Variants in PDGFC observed in about 807,000 individuals in gnomAD.
The protein encoded by PDGFC is platelet derived growth factor C, also known as platelet-derived growth factor C.
A neutral mutation model predicts 35.5 loss-of-function variants in PDGFC; 12 were observed. That is an observed-to-expected ratio of 0.34 (90% CI 0.22 to 0.55). The LOEUF (loss-of-function observed/expected upper bound fraction) is 0.55, where lower values mean the gene tolerates loss of function less well. Ranked by LOEUF, PDGFC falls within the 20% of genes least tolerant of loss-of-function variation. The probability of loss-of-function intolerance (pLI) is 0.91; values close to 1 mark genes in which losing one functional copy is unlikely to be tolerated. For synonymous variants in PDGFC, 159 were observed against 148.8 expected (o/e 1.07, Z -0.50); for missense variants, 322 against 412.4 (o/e 0.78, Z 1.90).
At chr4:156,782,304 A>C (rs1191656958) in intron 3 of PDGFC, among the ~76,000 whole-genome samples, 1 of 152,160 alleles carries the variant, frequency 6.6e-6, no homozygotes, top group Non-Finnish European at 1.5e-5. Flanking sequence ...TTTGCCTATA[A>C]AATCTTTATA....
intron 2 of PDGFC, among the ~76,000 whole-genome samples, chr4:156,826,325 T>C (rs1349869398): frequency 7.4e-6 from 1 of 135,254 alleles, no homozygotes; most frequent in Admixed American, 6.9e-5. Flanking sequence ...CCTGAGTAGC[T>C]GTGAGTAGCT....
chr4:156,856,631 T>C (rs947215737), intron 1 of PDGFC, among the ~76,000 whole-genome samples: 5 of 152,142 alleles, frequency 3.3e-5, no homozygotes, highest in Admixed American at 2.6e-4. Context: ...CATAACCTGT[T>C]CCTGGCACAT....
intron 1 of PDGFC, among the ~76,000 whole-genome samples, chr4:156,913,595 T>C (rs1231283477): frequency 6.6e-6 from 1 of 152,216 alleles, no homozygotes; most frequent in Non-Finnish European, 1.5e-5. Context: ...TCTTGAGGCT[T>C]CGCGCCAAAT....
At chr4:156,860,701 T>C (rs141278928) in intron 1 of PDGFC, among the ~76,000 whole-genome samples, 6 of 152,006 alleles carry the variant, frequency 3.9e-5, no homozygotes, top group African/African-American at 1.2e-4. Context: ...AAGAAAGATA[T>C]GCATAATGCA....
At chr4:156,812,113 A>G (rs1371412168) in intron 2 of PDGFC, among the ~76,000 whole-genome samples, 1 of 151,984 alleles carries the variant, frequency 6.6e-6, no homozygotes, top group East Asian at 1.9e-4. Context: ...AATTGAGGGA[A>G]TTTTCTGTGT....
Position 156,908,408 on chromosome 4 carries a change from T to A in PDGFC, c.119-57992A>T, listed in dbSNP as rs533354717. ...ATTTGTGTAAATAAATAAATAAATA[T>A]TTATTTCAATCTAGAAATGCCAAAT... is the stretch of plus-strand genomic sequence containing the variant. On this transcript the variant is annotated intron_variant, in intron 1 of 5. Transcript: ENST00000502773. Among the ~76,000 whole-genome samples the A allele has an allele frequency of 9.2e-5, 14 of 152,266 alleles. No homozygotes were observed. In the South Asian group the frequency reaches 2.5e-3, roughly 27 times the overall value.
chr4:156,897,024 C>T (rs568401169), intron 1 of PDGFC, among the ~76,000 whole-genome samples: 128 of 152,104 alleles, frequency 8.4e-4, no homozygotes, highest in African/African-American at 2.7e-3. Context: ...TAATTTAATA[C>T]GCACATTAAA....
rs190946983 is a variant in PDGFC at position 156,917,954 on chromosome 4, C to T, written c.118+52832G>A. Reference sequence around the variant, plus strand: ...TCAAATTAATTAATGAGGAAAAATGCTTTTTTGAATTTTAGATGCATACTT... The same window carrying T: ...TCAAATTAATTAATGAGGAAAAATGTTTTTTTGAATTTTAGATGCATACTT... On this transcript the variant is annotated intron_variant, in intron 1 of 5. Transcript: ENST00000502773. 2.3e-4 allele frequency among the ~76,000 whole-genome samples: 35 copies of T among 152,192 alleles called. 1 individual carries two copies. The East Asian group carries it at 6.4e-3, about 28-fold the overall frequency.
chr4:156,893,973 T>C (rs889723881), intron 1 of PDGFC, among the ~76,000 whole-genome samples: 5 of 152,196 alleles, frequency 3.3e-5, no homozygotes, highest in African/African-American at 7.2e-5. Context: ...GACTGTGTGT[T>C]TCCTGTAGTT....
chr4:156,831,096 T>A (rs1728921741), intron 2 of PDGFC, among the ~76,000 whole-genome samples: 1 of 152,218 alleles, frequency 6.6e-6, no homozygotes, highest in Admixed American at 6.5e-5. Flanking sequence ...GAGGACTATA[T>A]GACTGTTGAG....
At chr4:156,847,019 ATAT>A (rs970883110) in intron 2 of PDGFC, among the ~76,000 whole-genome samples, 1 of 151,706 alleles carries the variant, frequency 6.6e-6, no homozygotes, top group African/African-American at 2.4e-5. Context: ...AATAAAATAA[ATAT>A]TATTAATTTT....
At chr4:156,964,497 C>T (rs1732419513) in intron 1 of PDGFC, among the ~76,000 whole-genome samples, 1 of 149,328 alleles carries the variant, frequency 6.7e-6, no homozygotes, top group Non-Finnish European at 1.5e-5. Flanking sequence ...TATATATATA[C>T]CATTCCATTT....
intron 2 of PDGFC, among the ~76,000 whole-genome samples, chr4:156,820,455 G>C (rs1019626015): frequency 1.3e-5 from 2 of 152,126 alleles, no homozygotes; most frequent in Non-Finnish European, 2.9e-5. Context: ...GGCAGGATGT[G>C]AGCAAAAAGA....
At chr4:156,912,243 AC>A (rs1333008312) in intron 1 of PDGFC, among the ~76,000 whole-genome samples, 1 of 152,288 alleles carries the variant, frequency 6.6e-6, no homozygotes, top group East Asian at 1.9e-4. Context: ...GCAGCTAGAC[AC>A]CTCATATATT....
In PDGFC at chr4:156,763,132, A is replaced by G. The variant is rs1730423162; in HGVS notation, c.996T>C (p.His332=). Residue 332 remains histidine, a synonymous_variant, in exon 6 of 6, where the codon CAT becomes CAC. Transcript: ENST00000502773. The part of the protein sequence containing the change: ...KSLTDVALEH[H]EECDCVCRGS... ...CTCTGCACACACAGTCACACTCCTC[A>G]TGGTGCTCCAGGGCCACGTCGGTGA... The G allele has an allele frequency of 6.2e-7, 1 of 1,612,110 alleles. No homozygotes were observed. Among genetic ancestry groups the G allele is most frequent in the South Asian group, 1.1e-5 (1 of 91,036 alleles).
In PDGFC at chr4:156,850,275, T is replaced by C. The variant is rs1392045879; in HGVS notation, c.260A>G (p.Gln87Arg). Residue 87 changes from glutamine (Q) to arginine (R), a missense_variant, in exon 2 of 6, where the codon CAA (glutamine) becomes CGA (arginine). Around this residue, in one of 2 missense-constraint regions of PDGFC, gnomAD observed 120 missense variants for 116.6 expected, o/e 1.03. Coordinates refer to ENST00000502773, the MANE Select transcript of PDGFC (RefSeq NM_016205.3). Reference protein sequence around the residue: ...LVAVEENVWIQLTFDERFGLE... With the variant: ...LVAVEENVWIRLTFDERFGLE... The stretch of plus-strand genomic sequence containing the variant: ...CCCAAATCTTTCATCAAACGTAAGT[T>C]GTATCCATACATTTTCCTCTACTGC... 1.2e-6 allele frequency: 2 copies of C among 1,609,442 alleles called. No homozygotes were observed. The highest frequency in any genetic ancestry group is 1.7e-6 in the Non-Finnish European group (2 of 1,177,428).
intron 1 of PDGFC, among the ~76,000 whole-genome samples, chr4:156,863,441 A>C (rs1332693758): frequency 6.6e-6 from 1 of 152,184 alleles, no homozygotes; most frequent in Non-Finnish European, 1.5e-5. Context: ...CACTGAGTGT[A>C]ACTTTTTCTT....
intron 1 of PDGFC, among the ~76,000 whole-genome samples, chr4:156,910,967 T>C (rs1248994143): frequency 1.3e-5 from 2 of 152,194 alleles, no homozygotes; most frequent in Non-Finnish European, 2.9e-5. Context: ...ATGTAGTTTG[T>C]AAATATTTTT....
intron 2 of PDGFC, among the ~76,000 whole-genome samples, chr4:156,828,714 A>G (rs1427243227): frequency 1.3e-5 from 2 of 152,204 alleles, no homozygotes; most frequent in South Asian, 2.1e-4. Context: ...TAACGTACAG[A>G]TAGAACAGGT....
Sources: allele counts gnomAD v4.1 joint callset (sites outside exome capture counted in the v4.1 genomes callset), GRCh38; gene constraint gnomAD v4.1.1; regional missense constraint gnomAD v4.1.1; transcripts MANE v1.5; gene names NCBI Gene and HGNC (gene_info 2026-07-23, HGNC 2026-07-21).